DYNC1I1: variants seen among roughly 807,000 people sequenced by gnomAD.
DYNC1I1 encodes cytoplasmic dynein 1 intermediate chain 1.
A neutral mutation model predicts 86.6 loss-of-function variants in DYNC1I1; 43 were observed. The observed-to-expected ratio is 0.50, with a 90% CI of 0.39 to 0.64. The LOEUF is 0.64. Among genes scored for constraint, DYNC1I1 ranks in the 30% least tolerant of loss-of-function variants. The pLI, the probability that DYNC1I1 is intolerant of heterozygous loss-of-function variation, is 0.00. For synonymous variants in DYNC1I1, 262 were observed against 283.7 expected, an observed-to-expected ratio of 0.92 and a Z score of 0.77; for missense variants, 604 against 788.8, an observed-to-expected ratio of 0.77 and a Z score of 2.81.
At chr7:96,092,735 T>C (rs899492496) in intron 16 of DYNC1I1, among the ~76,000 whole-genome samples, 1 of 152,086 alleles carries the variant, frequency 6.6e-6, no homozygotes, top group Non-Finnish European at 1.5e-5. Flanking sequence ...GTAGCCTGGG[T>C]GGTGGGGCTC....
chr7:95,934,762 A>T, intron 6 of DYNC1I1, among the ~76,000 whole-genome samples: 1 of 152,086 alleles, frequency 6.6e-6, no homozygotes, highest in Non-Finnish European at 1.5e-5. Flanking sequence ...TGAATTTTAA[A>T]ATTGCTATCT....
At chr7:96,065,155 T>G (rs563385869) in intron 14 of DYNC1I1, among the ~76,000 whole-genome samples, 1 of 152,272 alleles carries the variant, frequency 6.6e-6, no homozygotes, top group African/African-American at 2.4e-5. Context: ...ACTTCTCAGT[T>G]TAAGACCATC....
chr7:96,046,096 C>T (rs1466082449), intron 14 of DYNC1I1, among the ~76,000 whole-genome samples: 3 of 152,144 alleles, frequency 2.0e-5, no homozygotes, highest in South Asian at 2.1e-4. Context: ...GAAACTTTGT[C>T]GGAGTGGTTT....
intron 15 of DYNC1I1, 127 bp downstream of exon 15, chr7:96,076,324 C>G: frequency 7.3e-7 from 1 of 1,361,056 alleles, no homozygotes. Flanking sequence ...GCAGGGCTGC[C>G]GGCCCCCATT....
At chr7:95,815,459 G>A (rs1305286122) in intron 4 of DYNC1I1, among the ~76,000 whole-genome samples, 1 of 152,130 alleles carries the variant, frequency 6.6e-6, no homozygotes, top group Non-Finnish European at 1.5e-5. Flanking sequence ...TGCTTGAGGA[G>A]AACACATTAA....
intron 4 of DYNC1I1, among the ~76,000 whole-genome samples, chr7:95,821,744 G>T (rs776157414): frequency 6.6e-6 from 1 of 152,018 alleles, no homozygotes; most frequent in Non-Finnish European, 1.5e-5. Context: ...GAGGTCCTGG[G>T]AGCAAAACTA....
chr7:95,826,467 ATCCTTG>A (rs1795205803), intron 4 of DYNC1I1, among the ~76,000 whole-genome samples: 1 of 152,156 alleles, frequency 6.6e-6, no homozygotes, highest in African/African-American at 2.4e-5. Flanking sequence ...CCTGCATTTA[ATCCTTG>A]TAGAAAACCA....
chr7:95,910,442 T>C (rs1267132845), intron 6 of DYNC1I1, among the ~76,000 whole-genome samples: 1 of 152,156 alleles, frequency 6.6e-6, no homozygotes, highest in Non-Finnish European at 1.5e-5. Context: ...TCCATGCATG[T>C]ATAATCCATG....
chr7:95,852,781 C>T (rs994040443), intron 5 of DYNC1I1, among the ~76,000 whole-genome samples: 2 of 152,186 alleles, frequency 1.3e-5, no homozygotes, highest in African/African-American at 4.8e-5. Context: ...GCTGGGATTA[C>T]AGGCGTGAGC....
chr7:95,949,040 C>G (rs933484394), intron 6 of DYNC1I1, among the ~76,000 whole-genome samples: 18 of 152,110 alleles, frequency 1.2e-4, no homozygotes, highest in Admixed American at 9.8e-4. Context: ...TCTGCTTTTG[C>G]AACTTCACTC....
intron 6 of DYNC1I1, among the ~76,000 whole-genome samples, chr7:95,919,931 TAATA>T (rs777072273): frequency 6.6e-6 from 1 of 152,154 alleles, no homozygotes; most frequent in Non-Finnish European, 1.5e-5. Context: ...GTAAATGATG[TAATA>T]AATAAATATA....
chr7:95,945,658 A>G (rs995361026), intron 6 of DYNC1I1, among the ~76,000 whole-genome samples: 1 of 151,958 alleles, frequency 6.6e-6, no homozygotes, highest in Non-Finnish European at 1.5e-5. Flanking sequence ...ATTAAACATC[A>G]GGTATTTTAT....
intron 6 of DYNC1I1, among the ~76,000 whole-genome samples, chr7:95,930,489 T>G (rs1791863152): frequency 6.6e-6 from 1 of 152,204 alleles, no homozygotes; most frequent in Non-Finnish European, 1.5e-5. Context: ...CAGAAATGCT[T>G]TTTCCTCCCT....
At chr7:95,887,298 A>G (rs549118736) in intron 6 of DYNC1I1, among the ~76,000 whole-genome samples, 65 of 152,304 alleles carry the variant, frequency 4.3e-4, no homozygotes, top group Non-Finnish European at 5.9e-4. Flanking sequence ...TCACTGATCT[A>G]ATCAAAGAGG....
chr7:95,905,154 T>G (rs1308153604), intron 6 of DYNC1I1, among the ~76,000 whole-genome samples: 2 of 152,214 alleles, frequency 1.3e-5, no homozygotes, highest in African/African-American at 4.8e-5. Flanking sequence ...CCTGTTGGAA[T>G]GCCAATTGGA....
rs757086248 is a variant in DYNC1I1, at chr7:96,080,503, GTGT to G, written c.1776+23_1776+25del. 2 of 1,614,102 alleles carry G rather than the reference GTGT, an allele frequency of 1.2e-6. No individual in the cohort carries two copies. Among genetic ancestry groups the G allele is most frequent in the Non-Finnish European group, 1.7e-6 (2 of 1,179,986 alleles). On this transcript the variant is annotated intron_variant, in intron 16 of 16. Transcript: ENST00000447467. ...ACGTTGGAGAGGTACGTGTGTATTT[GTGT>G]TGTTGTTACTGTTTTGACTTGTGTA...
chr7:96,011,096 G>T (rs1456739030), intron 10 of DYNC1I1, among the ~76,000 whole-genome samples: 1 of 152,108 alleles, frequency 6.6e-6, no homozygotes, highest in African/African-American at 2.4e-5. Context: ...CTTCAACACT[G>T]TATTTGACCT....
intron 6 of DYNC1I1, among the ~76,000 whole-genome samples, chr7:95,961,614 A>T (rs1311571559): frequency 1.3e-5 from 2 of 152,162 alleles, no homozygotes; most frequent in East Asian, 3.9e-4. Context: ...GTATAGTAGG[A>T]GGTAATATTT....
In DYNC1I1 at chr7:96,097,584, A is replaced by G; in HGVS notation, c.1878A>G (p.Leu626=). The change falls in exon 17 of 17, where the codon TTA becomes TTG. Residue 626 remains leucine, a synonymous_variant. Coordinates refer to ENST00000447467, the MANE Select transcript of DYNC1I1 (RefSeq NM_001135556.2). ...ADSEEEGTVE[L]SA is the part of the protein sequence containing the mutation. ...GCGAGGAGGAAGGCACTGTTGAGTT[A>G]TCTGCCTAGTGGAAATGAGCCACCC... The G allele has an allele frequency of 1.2e-6, 2 of 1,613,660 alleles. No individual in the cohort carries two copies. The highest frequency in any genetic ancestry group is 1.7e-6 in the Non-Finnish European group (2 of 1,179,702).
Sources: allele counts gnomAD v4.1 joint callset (sites outside exome capture counted in the v4.1 genomes callset), GRCh38; gene constraint gnomAD v4.1.1; transcripts MANE v1.5; gene names NCBI Gene and HGNC (gene_info 2026-07-23, HGNC 2026-07-21).